Variants in WWOX observed in about 807,000 individuals in gnomAD.
The protein encoded by WWOX is WW domain containing oxidoreductase.
Under a neutral mutation model 46.2 loss-of-function variants are expected in WWOX, and 69 were observed. The observed-to-expected ratio is 1.49, with a 90% confidence interval of 1.23 to 1.82. The LOEUF is 1.82. Among genes scored for constraint, WWOX ranks in the 40% most tolerant of loss-of-function variants. The pLI is 0.00. For synonymous variants in WWOX, 359 were observed against 202.6 expected, an observed-to-expected ratio of 1.77 and a Z score of -6.56; for missense variants, 919 against 542.6, an observed-to-expected ratio of 1.69 and a Z score of -6.89.
intron 8 of WWOX, among the ~76,000 whole-genome samples, chr16:78,826,839 A>C (rs1255128709): frequency 6.6e-6 from 1 of 152,006 alleles, no homozygotes; most frequent in Non-Finnish European, 1.5e-5. Context: ...GCTGTGTGAC[A>C]ATTCTGGATT....
intron 8 of WWOX, among the ~76,000 whole-genome samples, chr16:79,025,469 C>CAGAAGAG (rs2151389477): frequency 6.6e-6 from 1 of 152,206 alleles, no homozygotes; most frequent in African/African-American, 2.4e-5. Context: ...GAAGAAGGCA[C>CAGAAGAG]AGAAGAGAAG....
intron 8 of WWOX, among the ~76,000 whole-genome samples, chr16:78,639,652 C>T (rs888687709): frequency 2.0e-5 from 3 of 151,994 alleles, no homozygotes; most frequent in Non-Finnish European, 4.4e-5. Context: ...CAACCTCTGC[C>T]TCCCAGGTTC....
At chr16:78,791,852 C>G (rs537241874) in intron 8 of WWOX, among the ~76,000 whole-genome samples, 1 of 152,202 alleles carries the variant, frequency 6.6e-6, no homozygotes, top group South Asian at 2.1e-4. Context: ...TGCACTGCAG[C>G]CTGGGCGACA....
At chr16:78,402,922 A>C (rs973478296) in intron 6 of WWOX, among the ~76,000 whole-genome samples, 4 of 152,196 alleles carry the variant, frequency 2.6e-5, no homozygotes, top group African/African-American at 9.6e-5. Context: ...GCCAAGTGCC[A>C]TTCTCCAGCA....
intron 8 of WWOX, among the ~76,000 whole-genome samples, chr16:78,654,941 T>G (rs927357378): frequency 3.3e-5 from 5 of 152,118 alleles, no homozygotes; most frequent in African/African-American, 1.2e-4. Context: ...GAAAGATTAA[T>G]TAAACATTGA....
chr16:78,921,871 G>A (rs528883648), intron 8 of WWOX, among the ~76,000 whole-genome samples: 1 of 152,288 alleles, frequency 6.6e-6, no homozygotes, highest in African/African-American at 2.4e-5. Context: ...AGGACTTGTG[G>A]CACTTAGCAG....
chr16:78,379,412 A>G (rs2081903600), intron 5 of WWOX, among the ~76,000 whole-genome samples: 1 of 152,124 alleles, frequency 6.6e-6, no homozygotes, highest in African/African-American at 2.4e-5. Context: ...AATGGAGGCC[A>G]CGTTCAACAC....
At chr16:78,381,541 C>T (rs57836192) in intron 5 of WWOX, among the ~76,000 whole-genome samples, 8,110 of 78,852 alleles carry the variant, frequency 0.1, 286 homozygotes, top group South Asian at 0.18. Context: ...CTGTGTGGCT[C>T]TGTTTTAAAA....
intron 8 of WWOX, among the ~76,000 whole-genome samples, chr16:78,950,857 C>T (rs1221875652): frequency 6.6e-6 from 1 of 152,174 alleles, no homozygotes; most frequent in African/African-American, 2.4e-5. Context: ...CTGATTGTCT[C>T]TTCTTATTAT....
intron 6 of WWOX, among the ~76,000 whole-genome samples, chr16:78,410,845 G>A (rs1270516557): frequency 6.6e-6 from 1 of 150,834 alleles, no homozygotes; most frequent in African/African-American, 2.5e-5. Context: ...TGGGGCCAAG[G>A]TCATCTCAAG....
chr16:79,088,652 C>T (rs1199908888), intron 8 of WWOX, among the ~76,000 whole-genome samples: 1 of 152,170 alleles, frequency 6.6e-6, no homozygotes, highest in Non-Finnish European at 1.5e-5. Context: ...CAGATGATAA[C>T]ATCTGCAGGG....
At chr16:78,322,140 C>G (rs1252987140) in intron 5 of WWOX, among the ~76,000 whole-genome samples, 1 of 151,960 alleles carries the variant, frequency 6.6e-6, no homozygotes, top group African/African-American at 2.4e-5. Flanking sequence ...TTCTCACTTG[C>G]CCTGCCAGGG....
At chr16:78,779,029 C>G (rs1357886322) in intron 8 of WWOX, among the ~76,000 whole-genome samples, 1 of 152,188 alleles carries the variant, frequency 6.6e-6, no homozygotes, top group Non-Finnish European at 1.5e-5. Context: ...AACCAATGAG[C>G]TTAATCTACT....
chr16:78,834,125 A>G (rs541187046), intron 8 of WWOX, among the ~76,000 whole-genome samples: 1 of 152,224 alleles, frequency 6.6e-6, no homozygotes, highest in African/African-American at 2.4e-5. Flanking sequence ...GGAGCCTGTT[A>G]AGACCAGTGA....
chr16:78,297,724 GA>G (rs2079965087), intron 5 of WWOX, among the ~76,000 whole-genome samples: 1 of 152,060 alleles, frequency 6.6e-6, no homozygotes, highest in Non-Finnish European at 1.5e-5. Flanking sequence ...AGCCTATGGA[GA>G]CCTATGCATG....
At chr16:78,702,327 G>T (rs1187800800) in intron 8 of WWOX, among the ~76,000 whole-genome samples, 2 of 151,404 alleles carry the variant, frequency 1.3e-5, no homozygotes, top group African/African-American at 4.9e-5. Context: ...AGCCAGTAGT[G>T]CTTTCTTGTA....
intron 3 of WWOX, among the ~76,000 whole-genome samples, chr16:78,114,071 CT>C (rs1428938423): frequency 1.5e-5 from 2 of 131,716 alleles, no homozygotes; most frequent in Non-Finnish European, 3.2e-5. Context: ...AAGGAGTACT[CT>C]TTTCATCCAT....
At chr16:79,099,807 G>A (rs1442554599) in intron 8 of WWOX, among the ~76,000 whole-genome samples, 1 of 152,196 alleles carries the variant, frequency 6.6e-6, no homozygotes, top group African/African-American at 2.4e-5. Context: ...AAATAAGGTT[G>A]TGGATCATTC....
At chr16:78,572,324 G>A (rs571115901) in intron 8 of WWOX, among the ~76,000 whole-genome samples, 16 of 152,220 alleles carry the variant, frequency 1.1e-4, no homozygotes, top group Non-Finnish European at 2.2e-4. Flanking sequence ...GCTGGGCACA[G>A]TGGCCCACAC....
Sources: gnomAD v4.1 joint callset for allele counts (sites outside exome capture counted in the v4.1 genomes callset) on GRCh38, gnomAD v4.1.1 for gene constraint, MANE v1.5 for transcripts, NCBI Gene and HGNC (gene_info 2026-07-23, HGNC 2026-07-21) for gene names.